Variants in WDPCP observed in about 807,000 individuals in gnomAD.
The protein encoded by WDPCP is WD repeat-containing and planar cell polarity effector protein fritz homolog.
A neutral mutation model predicts 93.1 loss-of-function variants in WDPCP; 71 were observed. The ratio of observed to expected loss-of-function variants is 0.76; its 90% CI spans 0.63 to 0.93. WDPCP has a LOEUF of 0.93. WDPCP is among the 40% of genes least tolerant of loss of function. The probability of loss-of-function intolerance (pLI) is 0.00; values close to 1 mark genes in which losing one functional copy is unlikely to be tolerated. For synonymous variants in WDPCP, 315 were observed against 315.0 expected (o/e 1.00, Z 0.00); for missense variants, 844 against 887.4 (o/e 0.95, Z 0.62).
intron 2 of WDPCP, among the ~76,000 whole-genome samples, chr2:63,722,837 T>C (rs1275450360): frequency 6.6e-6 from 1 of 152,060 alleles, no homozygotes; most frequent in Non-Finnish European, 1.5e-5. Context: ...CTTTGTGGAA[T>C]AGAAAGGCGA....
At chr2:63,715,066 G>T (rs1213756685) in intron 2 of WDPCP, among the ~76,000 whole-genome samples, 1 of 152,190 alleles carries the variant, frequency 6.6e-6, no homozygotes, top group Non-Finnish European at 1.5e-5. Context: ...GGTCACATAT[G>T]GGATGATTCC....
chr2:63,480,638 G>A (rs1192536595), intron 6 of WDPCP, among the ~76,000 whole-genome samples: 1 of 152,112 alleles, frequency 6.6e-6, no homozygotes, highest in Admixed American at 6.6e-5. Flanking sequence ...AGTGGGGAAA[G>A]GACACCCTAT....
chr2:63,822,433 T>C (rs1671037921), intron 1 of WDPCP, among the ~76,000 whole-genome samples: 2 of 152,174 alleles, frequency 1.3e-5, no homozygotes, highest in Non-Finnish European at 2.9e-5. Context: ...GCTTTGGAGA[T>C]TTATTTTAAA....
intron 1 of WDPCP, among the ~76,000 whole-genome samples, chr2:63,563,961 C>T (rs1706834580): frequency 6.6e-6 from 1 of 152,112 alleles, no homozygotes; most frequent in African/African-American, 2.4e-5. Flanking sequence ...TTTGAGTATA[C>T]TAAAAACTAT....
rs114701443 is a variant in WDPCP, at chr2:63,567,709, T to C, written c.75+20488A>G. On this transcript the variant is annotated intron_variant, in intron 1 of 17. Coordinates refer to ENST00000272321, the MANE Select transcript of WDPCP (RefSeq NM_015910.7). ...TCATAGCCCATATTCTTTATTTTCA[T>C]AGCACTAATAACAGTTTGAAATTCG... is the stretch of plus-strand genomic sequence containing the variant. Among the ~76,000 whole-genome samples the C allele has an allele frequency of 9.3e-3, 1,409 of 152,302 alleles. 20 individuals are homozygous for C. The highest frequency in any genetic ancestry group is 0.029 in the African/African-American group (1,211 of 41,566).
chr2:63,219,395 A>G (rs1021827507), intron 14 of WDPCP, among the ~76,000 whole-genome samples: 4 of 152,204 alleles, frequency 2.6e-5, no homozygotes, highest in African/African-American at 4.8e-5. Flanking sequence ...GCCAATAAGT[A>G]AAACCACATT....
intron 10 of WDPCP, among the ~76,000 whole-genome samples, chr2:63,393,748 A>G (rs530771935): frequency 6.6e-6 from 1 of 152,216 alleles, no homozygotes; most frequent in African/African-American, 2.4e-5. Flanking sequence ...ATGAAACAGA[A>G]TAGAGAGCCC....
At chr2:63,727,015 T>A (rs1324282856) in intron 2 of WDPCP, among the ~76,000 whole-genome samples, 1 of 152,182 alleles carries the variant, frequency 6.6e-6, no homozygotes. Flanking sequence ...CTTCTCTCCC[T>A]ATTTCGATAT....
intron 9 of WDPCP, among the ~76,000 whole-genome samples, chr2:63,417,788 T>C (rs1695544332): frequency 6.7e-6 from 1 of 148,722 alleles, no homozygotes; most frequent in Non-Finnish European, 1.5e-5. Flanking sequence ...ATAGTAATAT[T>C]TTTAATTGAA....
In WDPCP at chr2:63,484,968, C is replaced by T. The variant is rs370579497; in HGVS notation, c.273G>A (p.Thr91=). The change falls in exon 5 of 18, where the codon ACG becomes ACA. Residue 91 remains threonine (T), a synonymous_variant. Transcript: ENST00000272321. ...KLAESRDYPW[T]LKNRRPEKLR... is the part of the protein sequence containing the mutation. Reference sequence around the variant, plus strand: ...GTTTTTCTGGGCGTCTGTTTTTGAGCGTCCAAGGATAATCTCGTGCTGGCA... The same window carrying T: ...GTTTTTCTGGGCGTCTGTTTTTGAGTGTCCAAGGATAATCTCGTGCTGGCA... 6.2e-7 allele frequency: 1 copy of T among 1,612,472 alleles called. No homozygotes were observed. The highest frequency in any genetic ancestry group is 8.5e-7 in the Non-Finnish European group (1 of 1,178,992).
chr2:63,719,224 G>A (rs1337047561), intron 2 of WDPCP, among the ~76,000 whole-genome samples: 1 of 152,192 alleles, frequency 6.6e-6, no homozygotes, highest in Non-Finnish European at 1.5e-5. Context: ...AGTATTACTG[G>A]AGCCAGAGAG....
chr2:63,819,379 T>C (rs777301067), intron 1 of WDPCP, among the ~76,000 whole-genome samples: 2 of 152,206 alleles, frequency 1.3e-5, no homozygotes, highest in Non-Finnish European at 2.9e-5. Context: ...TCCTGTGCTT[T>C]ACTAATGGCT....
intron 12 of WDPCP, among the ~76,000 whole-genome samples, chr2:63,363,939 C>G (rs1302580921): frequency 2.0e-5 from 3 of 152,134 alleles, no homozygotes; most frequent in Non-Finnish European, 4.4e-5. Context: ...GCTCTGGAGG[C>G]AGAGCAAGGA....
At chr2:63,226,258 G>A (rs1678279753) in intron 14 of WDPCP, among the ~76,000 whole-genome samples, 2 of 151,772 alleles carry the variant, frequency 1.3e-5, no homozygotes, top group Admixed American at 1.3e-4. Context: ...TGTGTCTGCT[G>A]GAAGGGACTC....
intron 15 of WDPCP, among the ~76,000 whole-genome samples, chr2:63,163,043 C>T (rs1288173978): frequency 6.6e-6 from 1 of 152,148 alleles, no homozygotes; most frequent in African/African-American, 2.4e-5. Flanking sequence ...TATAAAGCAG[C>T]TCATTTCCTT....
At chr2:63,147,894 G>C (rs539613218) in intron 17 of WDPCP, among the ~76,000 whole-genome samples, 46 of 151,174 alleles carry the variant, frequency 3.0e-4, no homozygotes, top group South Asian at 6.3e-4. Flanking sequence ...GCTTGAACCC[G>C]GAGGCAGAGG....
intron 6 of WDPCP, among the ~76,000 whole-genome samples, chr2:63,473,712 CT>C (rs942237318): frequency 6.6e-6 from 1 of 152,022 alleles, no homozygotes; most frequent in African/African-American, 2.4e-5. Context: ...GACTTTACAT[CT>C]TTTTTTTCCC....
At chr2:63,614,484 C>G (rs1474465403) in intron 3 of WDPCP, among the ~76,000 whole-genome samples, 2 of 152,212 alleles carry the variant, frequency 1.3e-5, no homozygotes, top group African/African-American at 2.4e-5. Context: ...CAGAACACAA[C>G]AGCCCAAGGT....
At chr2:63,536,798 C>T (rs10183368) in intron 1 of WDPCP, among the ~76,000 whole-genome samples, 47,058 of 89,200 alleles carry the variant, frequency 0.53, 9,239 homozygotes, top group Admixed American at 0.55. Flanking sequence ...TTGATGGAAT[C>T]TCTGTTACCC....
Sources: gnomAD v4.1 joint callset for allele counts (sites outside exome capture counted in the v4.1 genomes callset) on GRCh38, gnomAD v4.1.1 for gene constraint, MANE v1.5 for transcripts, NCBI Gene and HGNC (gene_info 2026-07-23, HGNC 2026-07-21) for gene names.